Variants in SYT9 observed in about 807,000 individuals in gnomAD.
SYT9 encodes synaptotagmin 9.
A neutral mutation model predicts 48.4 loss-of-function variants in SYT9; 22 were observed. The ratio of observed to expected loss-of-function variants is 0.45; its 90% confidence interval spans 0.32 to 0.65. The LOEUF (loss-of-function observed/expected upper bound fraction) is 0.65. Among genes scored for constraint, SYT9 ranks in the 30% least tolerant of loss-of-function variants. The probability of loss-of-function intolerance (pLI) is 0.03; values close to 1 mark genes in which losing one functional copy is unlikely to be tolerated. For synonymous variants in SYT9, 265 were observed against 245.0 expected (o/e 1.08, Z -0.76); for missense variants, 577 against 622.0 (o/e 0.93, Z 0.77).
intron 3 of SYT9, among the ~76,000 whole-genome samples, chr11:7,366,136 G>A (rs958591971): frequency 2.6e-5 from 4 of 152,194 alleles, no homozygotes; most frequent in African/African-American, 9.7e-5. Flanking sequence ...CAGTCATGAG[G>A]ACATGTTGAC....
intron 1 of SYT9, among the ~76,000 whole-genome samples, chr11:7,256,044 T>C (rs2119781622): frequency 6.6e-6 from 1 of 152,338 alleles, no homozygotes; most frequent in East Asian, 1.9e-4. Context: ...AAAGCATTAG[T>C]CTTATCTCTC....
chr11:7,329,266 T>C (rs1242051573), intron 3 of SYT9, among the ~76,000 whole-genome samples: 1 of 152,194 alleles, frequency 6.6e-6, no homozygotes, highest in Non-Finnish European at 1.5e-5. Flanking sequence ...TTTACATCTG[T>C]TTTTGAGTAC....
At chr11:7,274,045 T>TATC (rs1848342519) in intron 1 of SYT9, among the ~76,000 whole-genome samples, 1 of 152,244 alleles carries the variant, frequency 6.6e-6, no homozygotes, top group East Asian at 1.9e-4. Context: ...TCTGCACATG[T>TATC]ATCCCAGAAC....
At chr11:7,341,989 T>C (rs1849721221) in intron 3 of SYT9, among the ~76,000 whole-genome samples, 1 of 152,086 alleles carries the variant, frequency 6.6e-6, no homozygotes, top group Non-Finnish European at 1.5e-5. Flanking sequence ...AAACCCCTTA[T>C]AAAAACATCA....
intron 6 of SYT9, among the ~76,000 whole-genome samples, chr11:7,430,213 A>G (rs1847544095): frequency 6.6e-6 from 1 of 152,254 alleles, no homozygotes; most frequent in Non-Finnish European, 1.5e-5. Context: ...TGGTAGAATT[A>G]CATATTTTTT....
intron 1 of SYT9, among the ~76,000 whole-genome samples, chr11:7,267,036 A>G (rs527248297): frequency 2.0e-5 from 3 of 152,222 alleles, no homozygotes; most frequent in Non-Finnish European, 4.4e-5. Flanking sequence ...ACATTCCTAT[A>G]AAAAACATAC....
chr11:7,392,683 A>ATTGCT (rs1319266499), intron 3 of SYT9, among the ~76,000 whole-genome samples: 2 of 152,096 alleles, frequency 1.3e-5, no homozygotes, highest in Non-Finnish European at 2.9e-5. Context: ...GAATCTATAG[A>ATTGCT]TTGCTTTGGG....
chr11:7,356,518 A>G (rs1589968639), intron 3 of SYT9, among the ~76,000 whole-genome samples: 1 of 152,124 alleles, frequency 6.6e-6, no homozygotes, highest in Non-Finnish European at 1.5e-5. Flanking sequence ...GGGAGGGAAG[A>G]AGGAGGAGAA....
chr11:7,359,212 G>A (rs1850080704), intron 3 of SYT9, among the ~76,000 whole-genome samples: 1 of 121,180 alleles, frequency 8.3e-6, no homozygotes. Context: ...AGTATTCCAT[G>A]GTGTATATGT....
At chr11:7,437,736 T>C (rs1270032052) in intron 6 of SYT9, 3 of 152,272 alleles carry the variant, frequency 2.0e-5, no homozygotes, top group African/African-American at 4.8e-5. Flanking sequence ...ACTACATGCC[T>C]GAGTTTGTGT....
chr11:7,249,701 A>G (rs1847835505), upstream of SYT9, among the ~76,000 whole-genome samples: 1 of 152,176 alleles, frequency 6.6e-6, no homozygotes, highest in South Asian at 2.1e-4. Context: ...AAGCACTTAA[A>G]TATATTGCTT....
chr11:7,294,617 T>A (rs1310424394), intron 1 of SYT9, among the ~76,000 whole-genome samples: 1 of 152,064 alleles, frequency 6.6e-6, no homozygotes, highest in Non-Finnish European at 1.5e-5. Flanking sequence ...TAAGGCAAAC[T>A]CCATGAGGTC....
At chr11:7,268,471 A>T (rs1259045354) in intron 1 of SYT9, among the ~76,000 whole-genome samples, 1 of 151,982 alleles carries the variant, frequency 6.6e-6, no homozygotes. Flanking sequence ...TACCAATCTC[A>T]GTTAAGCATA....
chr11:7,295,303 T>C (rs1848778719), intron 1 of SYT9, among the ~76,000 whole-genome samples: 1 of 152,222 alleles, frequency 6.6e-6, no homozygotes, highest in Non-Finnish European at 1.5e-5. Flanking sequence ...CAACTAAATA[T>C]CCTGTTTCAT....
intron 3 of SYT9, among the ~76,000 whole-genome samples, chr11:7,358,175 G>A (rs548392075): frequency 5.3e-5 from 8 of 152,064 alleles, no homozygotes; most frequent in Admixed American, 2.0e-4. Flanking sequence ...TTTTATAGAG[G>A]GGTCATAATA....
intron 1 of SYT9, among the ~76,000 whole-genome samples, chr11:7,243,762 C>CTGGCA (rs1359369901): frequency 2.4e-4 from 37 of 152,078 alleles, no homozygotes; most frequent in African/African-American, 8.7e-4. Flanking sequence ...ATTCTTTTTT[C>CTGGCA]TGGCATCTTT....
intron 6 of SYT9, among the ~76,000 whole-genome samples, chr11:7,426,656 C>G (rs936948604): frequency 5.3e-5 from 8 of 152,108 alleles, no homozygotes; most frequent in Non-Finnish European, 5.9e-5. Context: ...CTCAATCCAT[C>G]TAAACTTGGG....
chr11:7,462,908 C>A (rs1793089691), intron 6 of SYT9, among the ~76,000 whole-genome samples: 1 of 152,154 alleles, frequency 6.6e-6, no homozygotes, highest in African/African-American at 2.4e-5. Context: ...GTTTCAATGG[C>A]CTGTCTCATA....
rs1390079544 is a variant in SYT9, at chr11:7,397,403, C to A, written c.1045-18639C>A. On this transcript the variant is annotated intron_variant, in intron 3 of 6. Coordinates refer to ENST00000318881, the MANE Select transcript of SYT9 (RefSeq NM_175733.4). ...TGCTATGTCTGTCCTTTTGCCAGTA[C>A]CTCACTATTTTGATTAATGTAGTTT... 2.6e-5 allele frequency among the ~76,000 whole-genome samples: 4 copies of A among 152,126 alleles called. No homozygotes were observed. In the East Asian group the frequency reaches 7.7e-4, roughly 29 times the overall value.
Sources: gnomAD v4.1 joint callset for allele counts (sites outside exome capture counted in the v4.1 genomes callset) on GRCh38, gnomAD v4.1.1 for gene constraint, MANE v1.5 for transcripts, NCBI Gene and HGNC (gene_info 2026-07-23, HGNC 2026-07-21) for gene names.